The following SPOCK1 variants were observed in gnomAD, a reference collection of about 807,000 sequenced individuals.
The protein encoded by SPOCK1 is testican-1.
Under a neutral mutation model 55.3 loss-of-function variants are expected in SPOCK1, and 23 were observed. The ratio of observed to expected loss-of-function variants is 0.42; its 90% CI spans 0.30 to 0.59. SPOCK1 has a LOEUF of 0.59. Ranked by LOEUF, SPOCK1 falls within the 20% of genes least tolerant of loss-of-function variation. The pLI is 0.22. For missense variants in SPOCK1, 499 were observed against 552.5 expected (o/e 0.90, Z 0.97); for synonymous variants, 226 against 221.0 (o/e 1.02, Z -0.20).
At chr5:136,984,994 T>C in intron 9 of SPOCK1, 146 bp downstream of exon 9, 1 of 814,244 alleles carries the variant, frequency 1.2e-6, no homozygotes, top group East Asian at 2.5e-5. Flanking sequence ...TCCAGCTGCC[T>C]GGAAGAGCTC....
chr5:137,431,337 G>T (rs1386554953), intron 2 of SPOCK1, among the ~76,000 whole-genome samples: 1 of 152,208 alleles, frequency 6.6e-6, no homozygotes, highest in Non-Finnish European at 1.5e-5. Flanking sequence ...TACCAGCTCA[G>T]TCACCCACTG....
chr5:137,384,713 G>A (rs1751563571), intron 2 of SPOCK1, among the ~76,000 whole-genome samples: 1 of 151,836 alleles, frequency 6.6e-6, no homozygotes, highest in South Asian at 2.1e-4. Context: ...CTTGGTTGCG[G>A]CAGTAAAACT....
At chr5:137,453,042 T>C (rs938728029) in intron 2 of SPOCK1, among the ~76,000 whole-genome samples, 2 of 152,206 alleles carry the variant, frequency 1.3e-5, no homozygotes, top group African/African-American at 4.8e-5. Flanking sequence ...GACTTTTAAG[T>C]CTTTTTCCAC....
At chr5:137,259,143 GA>G (rs1378210774) in intron 3 of SPOCK1, among the ~76,000 whole-genome samples, 1 of 152,090 alleles carries the variant, frequency 6.6e-6, no homozygotes, top group Non-Finnish European at 1.5e-5. Context: ...CTACAGATAA[GA>G]AAACAAAGGC....
At chr5:137,382,625 C>T (rs1416740368) in intron 2 of SPOCK1, among the ~76,000 whole-genome samples, 1 of 152,070 alleles carries the variant, frequency 6.6e-6, no homozygotes, top group Non-Finnish European at 1.5e-5. Context: ...GCAGGAGAGA[C>T]AGAGTAAGGG....
At chr5:136,983,619 C>CAAAAAAAAAAAAAAAAAAA (rs11364379) in intron 9 of SPOCK1, among the ~76,000 whole-genome samples, 4 of 135,342 alleles carry the variant, frequency 3.0e-5, no homozygotes, top group Non-Finnish European at 1.6e-5. Flanking sequence ...CTCCTTGGAC[C>CAAAAAAAAAAAAAAAAAAA]AAAAAAAAAA....
At chr5:137,275,169 C>T (rs1306067977) in intron 2 of SPOCK1, among the ~76,000 whole-genome samples, 1 of 152,220 alleles carries the variant, frequency 6.6e-6, no homozygotes, top group Non-Finnish European at 1.5e-5. Flanking sequence ...TAGCTTATAG[C>T]ACGTAAACCT....
chr5:137,033,042 G>A (rs186471324), intron 6 of SPOCK1, among the ~76,000 whole-genome samples: 50 of 152,356 alleles, frequency 3.3e-4, no homozygotes, highest in African/African-American at 1.1e-3. Context: ...TGGGCAGAGA[G>A]GCAGGTCTAG....
chr5:137,164,265 C>T (rs958747985), intron 3 of SPOCK1, among the ~76,000 whole-genome samples: 3 of 152,084 alleles, frequency 2.0e-5, no homozygotes, highest in Admixed American at 6.6e-5. Context: ...TCATCAAGCT[C>T]AGCCACACAC....
chr5:137,258,908 C>A (rs1306091767), intron 3 of SPOCK1, among the ~76,000 whole-genome samples: 1 of 152,154 alleles, frequency 6.6e-6, no homozygotes, highest in African/African-American at 2.4e-5. Flanking sequence ...TCTAGGGGCA[C>A]AGAGTCCTGA....
Position 137,242,480 on chromosome 5 carries a change from T to C in SPOCK1, c.232+24530A>G, listed in dbSNP as rs944814503. Among the ~76,000 whole-genome samples, 14 of 152,354 alleles carry C rather than the reference T, an allele frequency of 9.2e-5. No homozygotes were observed. In the East Asian group the frequency reaches 1.5e-3, roughly 17 times the overall value. On this transcript the variant is annotated intron_variant, in intron 3 of 10. Coordinates refer to ENST00000394945, the MANE Select transcript of SPOCK1 (RefSeq NM_004598.4). Reference sequence around the variant, plus strand: ...AGGCTTCACTAGCCATGTGGAACTGTGAGTCCATTAAACCTCTTTTTCTTT... The same window carrying C: ...AGGCTTCACTAGCCATGTGGAACTGCGAGTCCATTAAACCTCTTTTTCTTT...
chr5:137,347,887 T>G (rs1357933696), intron 2 of SPOCK1, among the ~76,000 whole-genome samples: 6 of 152,204 alleles, frequency 3.9e-5, no homozygotes, highest in African/African-American at 1.4e-4. Context: ...CACACTATAT[T>G]TGAATAACCT....
chr5:137,055,992 CA>C (rs1390095827), intron 6 of SPOCK1, among the ~76,000 whole-genome samples: 3 of 152,204 alleles, frequency 2.0e-5, no homozygotes, highest in African/African-American at 7.2e-5. Context: ...CCAACTTTTC[CA>C]AGGGCTGGGA....
intron 3 of SPOCK1, among the ~76,000 whole-genome samples, chr5:137,152,930 G>T (rs1019424781): frequency 6.6e-6 from 1 of 152,190 alleles, no homozygotes; most frequent in Non-Finnish European, 1.5e-5. Flanking sequence ...ATTAGAATTT[G>T]CCGGAGATAA....
At chr5:137,055,266 C>T (rs1008224971) in intron 6 of SPOCK1, among the ~76,000 whole-genome samples, 2 of 152,204 alleles carry the variant, frequency 1.3e-5, no homozygotes, top group Admixed American at 1.3e-4. Context: ...GGGCACAGAA[C>T]AGGCACTTAA....
chr5:137,134,243 TG>T (rs1753939248), intron 4 of SPOCK1, among the ~76,000 whole-genome samples: 1 of 152,244 alleles, frequency 6.6e-6, no homozygotes, highest in African/African-American at 2.4e-5. Context: ...TCCTGCAAAG[TG>T]TGCCTAACAC....
chr5:137,002,964 T>C (rs1488437444), intron 6 of SPOCK1, among the ~76,000 whole-genome samples: 1 of 152,190 alleles, frequency 6.6e-6, no homozygotes, highest in African/African-American at 2.4e-5. Flanking sequence ...GAGGCAAGAA[T>C]TGAACTGAGG....
At chr5:137,041,862 A>T (rs1048347703) in intron 6 of SPOCK1, among the ~76,000 whole-genome samples, 2 of 152,230 alleles carry the variant, frequency 1.3e-5, no homozygotes, top group Non-Finnish European at 2.9e-5. Flanking sequence ...CTGGAAATGC[A>T]AAATGCTGCA....
chr5:137,229,674 G>A (rs1756011932), intron 3 of SPOCK1, among the ~76,000 whole-genome samples: 1 of 152,174 alleles, frequency 6.6e-6, no homozygotes, highest in Non-Finnish European at 1.5e-5. Context: ...AGCCTTTTTG[G>A]CACCAGGGAC....
Sources: gnomAD v4.1 joint callset for allele counts (sites outside exome capture counted in the v4.1 genomes callset) on GRCh38, gnomAD v4.1.1 for gene constraint, MANE v1.5 for transcripts, NCBI Gene and HGNC (gene_info 2026-07-23, HGNC 2026-07-21) for gene names.